PHTF2: variants seen among roughly 807,000 people sequenced by gnomAD.
The protein encoded by PHTF2 is protein PHTF2.
PHTF2 carries 60 observed loss-of-function variants against 101.2 expected under a neutral mutation model. The observed-to-expected ratio is 0.59, with a 90% CI of 0.48 to 0.73. The LOEUF is 0.73. PHTF2 is among the 30% of genes least tolerant of loss of function. The pLI, the probability that PHTF2 is intolerant of heterozygous loss-of-function variation, is 0.00. For synonymous variants in PHTF2, 311 were observed against 307.3 expected, an observed-to-expected ratio of 1.01 and a Z score of -0.13; for missense variants, 747 against 908.7, an observed-to-expected ratio of 0.82 and a Z score of 2.29.
intron 9 of PHTF2, among the ~76,000 whole-genome samples, chr7:77,910,667 A>AGTCT (rs1802303761): frequency 6.6e-6 from 1 of 151,936 alleles, no homozygotes; most frequent in Non-Finnish European, 1.5e-5. Flanking sequence ...TTTGGGACAG[A>AGTCT]GTCTGGCTCT....
At chr7:77,949,581 G>A (rs1806362456) in intron 16 of PHTF2, 97 bp from the exon 16 acceptor site, 3 of 643,662 alleles carry the variant, frequency 4.7e-6, no homozygotes, top group East Asian at 5.6e-5. Flanking sequence ...TTTCTAAAAT[G>A]TAATACTAAA....
At chr7:77,803,597 A>G (rs11761324) in intron 1 of PHTF2, among the ~76,000 whole-genome samples, 34,098 of 152,000 alleles carry the variant, frequency 0.22, 4,119 homozygotes, top group South Asian at 0.29. Context: ...GAATTAAATG[A>G]GATAATGTAT....
chr7:77,869,062 T>C (rs1187511733), intron 3 of PHTF2, among the ~76,000 whole-genome samples: 1 of 152,174 alleles, frequency 6.6e-6, no homozygotes, highest in Admixed American at 6.5e-5. Context: ...TGTCTTTCAG[T>C]CTGGTTCTGT....
In PHTF2 at chr7:77,949,562, T is replaced by C. The variant is rs1468980038; in HGVS notation, c.1960-116T>C. On this transcript the variant is annotated intron_variant, in intron 16 of 19. Transcript: ENST00000416283. ...TATGCTTAAAATATTTCATAATTAA[T>C]GTAGAATGTTTCTAAAATGTAATAC... 2.5e-5 allele frequency: 15 copies of C among 607,466 alleles called. No homozygotes were observed. In the Admixed American group the frequency reaches 4.7e-4, roughly 19 times the overall value. The allele number at this position is 607,466 out of a possible 1,614,324, so 37.6% of individuals were successfully genotyped here.
intron 11 of PHTF2, among the ~76,000 whole-genome samples, chr7:77,926,896 C>T (rs533482138): frequency 2.0e-5 from 3 of 149,766 alleles, no homozygotes; most frequent in Admixed American, 6.6e-5. Context: ...CATGGCTCAC[C>T]CCTGTAATCC....
chr7:77,895,983 C>T (rs1800838953), intron 5 of PHTF2: 1 of 152,008 alleles, frequency 6.6e-6, no homozygotes, highest in Non-Finnish European at 1.5e-5. Flanking sequence ...TTGCACTTGA[C>T]TAGTCTTTAA....
At chr7:77,862,991 G>C (rs773791023) in intron 3 of PHTF2, among the ~76,000 whole-genome samples, 1 of 152,154 alleles carries the variant, frequency 6.6e-6, no homozygotes, top group Non-Finnish European at 1.5e-5. Context: ...ATGGACCATA[G>C]AGTTTATTCA....
At chr7:77,911,138 T>G (rs1011845128) in intron 9 of PHTF2, among the ~76,000 whole-genome samples, 13 of 152,316 alleles carry the variant, frequency 8.5e-5, no homozygotes, top group African/African-American at 2.4e-4. Context: ...TAGTATGTGA[T>G]TCTACTTTTG....
At chr7:77,804,741 T>C (rs1194157956) in intron 1 of PHTF2, among the ~76,000 whole-genome samples, 4 of 152,258 alleles carry the variant, frequency 2.6e-5, no homozygotes, top group Non-Finnish European at 5.9e-5. Flanking sequence ...TCTACTAATA[T>C]CTATCTTTCA....
At chr7:77,920,584 G>A (rs940404297) in intron 10 of PHTF2, 119 bp downstream of exon 9, 41 of 711,270 alleles carry the variant, frequency 5.8e-5, no homozygotes, top group South Asian at 3.3e-4. Context: ...TTCTGTGAGC[G>A]TTTATAACAC....
chr7:77,933,312 G>A (rs1368232558), intron 12 of PHTF2, among the ~76,000 whole-genome samples: 1 of 152,316 alleles, frequency 6.6e-6, no homozygotes, highest in Non-Finnish European at 1.5e-5. Flanking sequence ...GATTGAAATG[G>A]TGGATCTGGT....
chr7:77,910,607 A>G (rs1449966497), intron 9 of PHTF2, among the ~76,000 whole-genome samples, 198 bp downstream of exon 8: 1 of 152,228 alleles, frequency 6.6e-6, no homozygotes, highest in Non-Finnish European at 1.5e-5. Flanking sequence ...ACATACATCT[A>G]TACGAGAATG....
chr7:77,894,379 C>T (rs1584625629), intron 5 of PHTF2, among the ~76,000 whole-genome samples: 2 of 152,250 alleles, frequency 1.3e-5, no homozygotes, highest in South Asian at 4.1e-4. Context: ...TGGGCACAGA[C>T]AGTATTACCT....
intron 1 of PHTF2, among the ~76,000 whole-genome samples, chr7:77,807,462 A>T (rs1166020677): frequency 6.6e-6 from 1 of 152,078 alleles, no homozygotes; most frequent in East Asian, 1.9e-4. Context: ...GATGTTGAGC[A>T]TCTTTTTGTG....
At chr7:77,879,136 T>A (rs1799193358) in intron 3 of PHTF2, among the ~76,000 whole-genome samples, 6 of 152,236 alleles carry the variant, frequency 3.9e-5, no homozygotes, top group Admixed American at 2.6e-4. Context: ...CATTGGTCCT[T>A]TCAGACCATC....
chr7:77,954,710 GTTC>G (rs995082538), intron 19 of PHTF2, 145 bp from the exon 19 acceptor site: 9 of 393,732 alleles, frequency 2.3e-5, no homozygotes, highest in East Asian at 2.0e-4. Flanking sequence ...TTTAAGGTGA[GTTC>G]TTCTTAAAAG....
intron 8 of PHTF2, 134 bp downstream of exon 7, chr7:77,909,092 A>T: frequency 1.9e-6 from 1 of 525,072 alleles, no homozygotes; most frequent in South Asian, 3.3e-5. Flanking sequence ...ACTGAGCTTC[A>T]GAATCAATTA....
intron 3 of PHTF2, among the ~76,000 whole-genome samples, chr7:77,889,577 C>CT (rs1167785916): frequency 0.035 from 4,047 of 117,228 alleles, 154 homozygotes; most frequent in African/African-American, 0.1. Context: ...GTAGTATTTT[C>CT]TTTTTTTTTT....
Position 77,947,814 on chromosome 7 carries a change from ATTTTCTT to A in PHTF2, c.1960-1848_1960-1842del, listed in dbSNP as rs1234536002. Among the ~76,000 whole-genome samples, 153 of 89,526 alleles carry A rather than the reference ATTTTCTT, an allele frequency of 1.7e-3. 4 individuals are homozygous for A. The highest frequency in any genetic ancestry group is 5.9e-3 in the African/African-American group (145 of 24,558). The allele number at this position is 89,526 out of a possible 152,430, so 58.7% of individuals were successfully genotyped here. A position where few individuals can be genotyped will look rare whatever the true frequency, so the allele number is the denominator to read the frequency against. On this transcript the variant is annotated intron_variant, in intron 16 of 19. Coordinates refer to ENST00000416283, the Ensembl canonical transcript of PHTF2. ...TGCTGTACCAGAAATATGAAGATTT[ATTTTCTT>A]TTTTCTTTTTTCTTTCTTTTTTTTT...
Sources: allele counts gnomAD v4.1 joint callset (sites outside exome capture counted in the v4.1 genomes callset), GRCh38; gene constraint gnomAD v4.1.1; transcripts MANE v1.5; gene names NCBI Gene and HGNC (gene_info 2026-07-23, HGNC 2026-07-21).